The following ZNF618 variants were observed in gnomAD, a reference collection of about 807,000 sequenced individuals.
ZNF618 encodes zinc finger protein 618.
ZNF618 carries 34 observed loss-of-function variants against 103.0 expected under a neutral mutation model. That is an observed-to-expected ratio of 0.33 (90% CI 0.25 to 0.44). ZNF618 has a LOEUF of 0.44. ZNF618 is among the 20% of genes least tolerant of loss of function. The pLI, the probability that ZNF618 is intolerant of heterozygous loss-of-function variation, is 1.00. For missense variants in ZNF618, 1,059 were observed against 1,295.4 expected, an observed-to-expected ratio of 0.82 and a Z score of 2.80; for synonymous variants, 551 against 542.2, an observed-to-expected ratio of 1.02 and a Z score of -0.23.
chr9:114,047,884 T>G lies in ZNF618; in HGVS notation c.1247-9T>G. 6.3e-7 allele frequency: 1 copy of G among 1,590,574 alleles called. No homozygotes were observed. Among genetic ancestry groups the G allele is most frequent in the African/African-American group, 1.3e-5 (1 of 74,572 alleles). On this transcript the variant is annotated splice_polypyrimidine_tract_variant and intron_variant, in intron 13 of 14. Coordinates refer to ENST00000374126, the MANE Select transcript of ZNF618 (RefSeq NM_001318042.2). ...TCCAGGTAACACACTGTCCCCTTTG[T>G]GCCCACAGCTGACAATGAAAACAAC...
At chr9:114,005,082 A>C (rs1841614514) in intron 6 of ZNF618, among the ~76,000 whole-genome samples, 1 of 152,136 alleles carries the variant, frequency 6.6e-6, no homozygotes, top group East Asian at 1.9e-4. Context: ...CTTTATTATA[A>C]CTATAGGAAA....
chr9:113,984,831 A>G (rs1235260986), intron 2 of ZNF618, among the ~76,000 whole-genome samples: 1 of 152,184 alleles, frequency 6.6e-6, no homozygotes, highest in Non-Finnish European at 1.5e-5. Flanking sequence ...ATGTGAATAC[A>G]CATCGTTCAC....
Position 114,050,014 on chromosome 9 carries a change from C to T in ZNF618, c.2712C>T (p.Ala904=). The change falls in exon 15 of 15, where the codon GCC becomes GCT. Residue 904 remains alanine, a synonymous_variant. Coordinates refer to ENST00000374126, the MANE Select transcript of ZNF618 (RefSeq NM_001318042.2). ...SCVTQKHTKL[A]KLAFWLLAVP... ...TTACCCAAAAGCACACAAAACTCGC[C>T]AAGCTCGCCTTCTGGCTCCTGGCGG... The T allele has an allele frequency of 2.5e-6, 4 of 1,613,930 alleles. No individual in the cohort carries two copies. The African/African-American group carries it at 5.3e-5, about 22-fold the overall frequency.
At chr9:113,997,788 A>G (rs1419588478) in intron 3 of ZNF618, among the ~76,000 whole-genome samples, 1 of 152,214 alleles carries the variant, frequency 6.6e-6, no homozygotes, top group African/African-American at 2.4e-5. Flanking sequence ...TGGGATGAAC[A>G]GAAGAGGGAG....
In ZNF618 at chr9:113,899,041, G is replaced by A. The variant is rs114679867; in HGVS notation, c.33+22628G>A. Among the ~76,000 whole-genome samples the A allele has an allele frequency of 9.1e-3, 1,379 of 152,172 alleles. 25 individuals carry two copies. Among genetic ancestry groups the A allele is most frequent in the African/African-American group, 0.031 (1,286 of 41,498 alleles). Reference sequence around the variant, plus strand: ...GTGAGATGGTCCCTCATGATGTCCCGTGATTTGTCCCCACATCTGTAACAT... The same window carrying A: ...GTGAGATGGTCCCTCATGATGTCCCATGATTTGTCCCCACATCTGTAACAT... On this transcript the variant is annotated intron_variant, in intron 1 of 14. Transcript: ENST00000374126.
chr9:114,013,107 A>G (rs1564297611), intron 9 of ZNF618, among the ~76,000 whole-genome samples: 2 of 152,208 alleles, frequency 1.3e-5, no homozygotes, highest in Non-Finnish European at 2.9e-5. Flanking sequence ...AAGATAATGG[A>G]TAAGTGTTGA....
chr9:113,938,054 G>A (rs10982008), intron 1 of ZNF618, among the ~76,000 whole-genome samples: 73,668 of 151,684 alleles, frequency 0.49, 18,198 homozygotes, highest in Non-Finnish European at 0.53. Flanking sequence ...GAATCACATT[G>A]AATTTATAGA....
At chr9:113,884,675 GGACATGAAGCCAGTTTGTCCTTCCTTATC>G (rs1828881128) in intron 1 of ZNF618, among the ~76,000 whole-genome samples, 1 of 151,874 alleles carries the variant, frequency 6.6e-6, no homozygotes, top group South Asian at 2.1e-4. Flanking sequence ...GGCTTAGATG[GGACATGAAGCCAGTTTGTCCTTCCTTATC>G]GACACACACA....
chr9:114,017,100 C>T (rs1437703291), intron 10 of ZNF618, among the ~76,000 whole-genome samples: 2 of 152,146 alleles, frequency 1.3e-5, no homozygotes, highest in South Asian at 2.1e-4. Context: ...TTCTAGGTAC[C>T]GCTACATCAC....
intron 1 of ZNF618, among the ~76,000 whole-genome samples, chr9:113,906,755 A>G (rs1431985092): frequency 6.6e-5 from 10 of 152,234 alleles, no homozygotes; most frequent in Non-Finnish European, 1.5e-4. Flanking sequence ...CATTATAGTC[A>G]GGACGCCTTA....
At chr9:113,887,867 G>A (rs1829224866) in intron 1 of ZNF618, among the ~76,000 whole-genome samples, 1 of 152,168 alleles carries the variant, frequency 6.6e-6, no homozygotes, top group Non-Finnish European at 1.5e-5. Context: ...AACTTTTCAA[G>A]GACTGAAGTT....
chr9:114,044,522 A>G (rs1248074742), intron 13 of ZNF618, among the ~76,000 whole-genome samples: 1 of 151,924 alleles, frequency 6.6e-6, no homozygotes, highest in Non-Finnish European at 1.5e-5. Context: ...TTGGCTATGC[A>G]AGCTCTTTTT....
chr9:113,987,285 G>A (rs1361477712), intron 2 of ZNF618, among the ~76,000 whole-genome samples: 2 of 152,192 alleles, frequency 1.3e-5, no homozygotes, highest in Non-Finnish European at 2.9e-5. Flanking sequence ...GTGGATGGCA[G>A]GGACCTGGCT....
chr9:113,899,280 C>G (rs1429686074), intron 1 of ZNF618, among the ~76,000 whole-genome samples: 1 of 152,158 alleles, frequency 6.6e-6, no homozygotes, highest in Non-Finnish European at 1.5e-5. Flanking sequence ...ACTCTATGCC[C>G]ATTAAACAGC....
intron 1 of ZNF618, among the ~76,000 whole-genome samples, chr9:113,916,442 C>T (rs1832086160): frequency 6.6e-6 from 1 of 152,106 alleles, no homozygotes; most frequent in African/African-American, 2.4e-5. Context: ...TTCAGTTTGA[C>T]CCCTCATAAG....
chr9:114,006,413 T>G (rs549120155), intron 6 of ZNF618, among the ~76,000 whole-genome samples: 2 of 152,320 alleles, frequency 1.3e-5, no homozygotes, highest in Admixed American at 6.5e-5. Context: ...ATGGGATTGA[T>G]AGGCCCTCCC....
rs1048988329 is a variant in ZNF618, at chr9:114,056,471, A to G, written c.*6304A>G. On this transcript the variant is annotated 3_prime_UTR_variant, in exon 15 of 15. Transcript: ENST00000374126. Reference sequence around the variant, plus strand: ...CTGCCCCCCGAATTCTTGCAGCACTATTTCCCAGTTGGTTGATGCCAAGGC... The same window carrying G: ...CTGCCCCCCGAATTCTTGCAGCACTGTTTCCCAGTTGGTTGATGCCAAGGC... The G allele has an allele frequency of 2.5e-4, 38 of 152,314 alleles. No homozygotes were observed. The highest frequency in any genetic ancestry group is 8.7e-4 in the African/African-American group (36 of 41,566). The allele number at this position is 152,314 out of a possible 1,614,324, so 9.4% of individuals were successfully genotyped here.
At chr9:113,948,232 A>T (rs12551845) in intron 1 of ZNF618, among the ~76,000 whole-genome samples, 1 of 152,138 alleles carries the variant, frequency 6.6e-6, no homozygotes, top group Non-Finnish European at 1.5e-5. Flanking sequence ...TCAACCCTGG[A>T]TGGGTAAAAC....
chr9:113,951,579 G>GTGTGTGTGTATA (rs1264785172), intron 1 of ZNF618, among the ~76,000 whole-genome samples: 1 of 32,800 alleles, frequency 3.0e-5, no homozygotes, highest in South Asian at 2.7e-3. Flanking sequence ...GTGTGTATAT[G>GTGTGTGTGTATA]TGTGTGTGTG....
Sources: allele counts gnomAD v4.1 joint callset (sites outside exome capture counted in the v4.1 genomes callset), GRCh38; gene constraint gnomAD v4.1.1; transcripts MANE v1.5; gene names NCBI Gene and HGNC (gene_info 2026-07-23, HGNC 2026-07-21).